NALF1: variants seen among roughly 807,000 people sequenced by gnomAD.
The protein encoded by NALF1 is NALCN channel auxiliary factor 1.
NALF1 carries 3 observed loss-of-function variants against 48.4 expected under a neutral mutation model. That is an observed-to-expected ratio of 0.06 (90% CI 0.03 to 0.16). The LOEUF (loss-of-function observed/expected upper bound fraction) is 0.16, where lower values mean the gene tolerates loss of function less well. Ranked by LOEUF, NALF1 falls within the 10% of genes least tolerant of loss-of-function variation. The probability of loss-of-function intolerance (pLI) is 1.00; values close to 1 mark genes in which losing one functional copy is unlikely to be tolerated. For missense variants in NALF1, 526 were observed against 571.5 expected (o/e 0.92, Z 0.81); for synonymous variants, 262 against 245.7 (o/e 1.07, Z -0.62).
chr13:107,317,746 C>A (rs947574242), intron 1 of NALF1, among the ~76,000 whole-genome samples: 1 of 151,754 alleles, frequency 6.6e-6, no homozygotes, highest in Non-Finnish European at 1.5e-5. Context: ...ATAATATCCA[C>A]ACCACAAAGA....
chr13:107,651,945 T>C (rs1257007452), intron 1 of NALF1, among the ~76,000 whole-genome samples: 2 of 152,200 alleles, frequency 1.3e-5, no homozygotes, highest in Non-Finnish European at 1.5e-5. Flanking sequence ...AATTTTAAAC[T>C]TGAAAGTTTT....
At chr13:107,718,619 A>G (rs1875892015) in intron 1 of NALF1, among the ~76,000 whole-genome samples, 1 of 152,188 alleles carries the variant, frequency 6.6e-6, no homozygotes. Flanking sequence ...AGTTGTGTGA[A>G]ACTGGTGAAT....
chr13:107,819,098 G>A (rs1171828256), intron 1 of NALF1, among the ~76,000 whole-genome samples: 2 of 152,114 alleles, frequency 1.3e-5, no homozygotes, highest in Non-Finnish European at 2.9e-5. Flanking sequence ...CTTTTGTAAT[G>A]TTGACCATGA....
chr13:107,447,975 G>A (rs924426967), intron 1 of NALF1, among the ~76,000 whole-genome samples: 1 of 152,150 alleles, frequency 6.6e-6, no homozygotes, highest in Non-Finnish European at 1.5e-5. Context: ...TCTTGGTTCT[G>A]GGGAACTGAT....
intron 1 of NALF1, among the ~76,000 whole-genome samples, chr13:107,386,014 C>T (rs1292477466): frequency 6.6e-6 from 1 of 152,032 alleles, no homozygotes; most frequent in Non-Finnish European, 1.5e-5. Flanking sequence ...GTGAGGATAC[C>T]TTAAGGTCTA....
intron 1 of NALF1, among the ~76,000 whole-genome samples, chr13:107,401,885 C>T (rs1346676825): frequency 3.9e-5 from 6 of 152,104 alleles, no homozygotes; most frequent in Non-Finnish European, 8.8e-5. Context: ...TAATTGTTTG[C>T]TAATTATTTA....
chr13:107,316,261 T>G (rs989631516), intron 1 of NALF1, among the ~76,000 whole-genome samples: 4 of 152,180 alleles, frequency 2.6e-5, no homozygotes, highest in Non-Finnish European at 4.4e-5. Context: ...TATTCCATGG[T>G]GTATATGTGC....
chr13:107,332,938 T>C (rs1389257594), intron 1 of NALF1, among the ~76,000 whole-genome samples: 1 of 152,108 alleles, frequency 6.6e-6, no homozygotes, highest in African/African-American at 2.4e-5. Flanking sequence ...CTCCACCCAA[T>C]GGGTGCAAGC....
chr13:107,607,140 T>A (rs2138429139), intron 1 of NALF1, among the ~76,000 whole-genome samples: 1 of 152,304 alleles, frequency 6.6e-6, no homozygotes, highest in East Asian at 1.9e-4. Context: ...TAGAAAATAC[T>A]ACAAGGGCCC....
chr13:107,350,931 GGT>G (rs1882861639), intron 1 of NALF1, among the ~76,000 whole-genome samples: 1 of 152,054 alleles, frequency 6.6e-6, no homozygotes, highest in African/African-American at 2.4e-5. Context: ...AGACCACTGG[GGT>G]ATGACAACTA....
At chr13:107,826,027 C>A (rs1879505948) in intron 1 of NALF1, among the ~76,000 whole-genome samples, 2 of 152,232 alleles carry the variant, frequency 1.3e-5, no homozygotes, top group Non-Finnish European at 2.9e-5. Flanking sequence ...GACCTGCCCA[C>A]CTCTGCCTCC....
chr13:107,401,626 G>A (rs1305716505), intron 1 of NALF1, among the ~76,000 whole-genome samples: 1 of 151,554 alleles, frequency 6.6e-6, no homozygotes, highest in Non-Finnish European at 1.5e-5. Flanking sequence ...AAACAATATT[G>A]TGCATTTCTA....
chr13:107,430,190 C>T (rs568460910), intron 1 of NALF1, among the ~76,000 whole-genome samples: 8 of 152,090 alleles, frequency 5.3e-5, no homozygotes, highest in Middle Eastern at 3.4e-3. Context: ...TCATAGCAAG[C>T]GGTTGGAATA....
At chr13:107,739,724 T>C (rs562583877) in intron 1 of NALF1, among the ~76,000 whole-genome samples, 1 of 152,204 alleles carries the variant, frequency 6.6e-6, no homozygotes, top group African/African-American at 2.4e-5. Context: ...CAGCAGCAGG[T>C]GAGCAGTGGG....
intron 1 of NALF1, among the ~76,000 whole-genome samples, chr13:107,346,308 G>A (rs1254196402): frequency 1.3e-5 from 2 of 152,060 alleles, no homozygotes; most frequent in African/African-American, 4.8e-5. Context: ...ACAGGATCTC[G>A]AAGAGATATG....
At chr13:107,405,433 T>G (rs1056469760) in intron 1 of NALF1, among the ~76,000 whole-genome samples, 3 of 152,072 alleles carry the variant, frequency 2.0e-5, no homozygotes, top group Non-Finnish European at 4.4e-5. Context: ...GTCTAGTGCC[T>G]TGAAGTGGCC....
At chr13:107,649,085 C>T (rs1341821236) in intron 1 of NALF1, among the ~76,000 whole-genome samples, 1 of 152,068 alleles carries the variant, frequency 6.6e-6, no homozygotes. Flanking sequence ...ATAAAAGTCC[C>T]TTATCAGACA....
At position 107,613,726 on chromosome 13, in the gene NALF1, G is replaced by A. The variant is rs562276027; in HGVS notation, c.915+251956C>T. Reference sequence around the variant, plus strand: ...GTTATTTCAGTTAACACAGCATAGCGCTTAGCACAAAGTAACTATTCAATA... The same window carrying A: ...GTTATTTCAGTTAACACAGCATAGCACTTAGCACAAAGTAACTATTCAATA... On this transcript the variant is annotated intron_variant, in intron 1 of 2. Coordinates refer to ENST00000375915, the MANE Select transcript of NALF1 (RefSeq NM_001080396.3). Among the ~76,000 whole-genome samples, 8 of 152,276 alleles carry A rather than the reference G, an allele frequency of 5.3e-5. No individual in the cohort carries two copies. The South Asian group carries it at 8.3e-4, about 16-fold the overall frequency.
intron 1 of NALF1, among the ~76,000 whole-genome samples, chr13:107,408,985 T>C (rs1883945704): frequency 6.6e-6 from 1 of 152,054 alleles, no homozygotes; most frequent in African/African-American, 2.4e-5. Flanking sequence ...AATAGCAAAA[T>C]AAATTTGAAC....
Sources: gnomAD v4.1 joint callset for allele counts (sites outside exome capture counted in the v4.1 genomes callset) on GRCh38, gnomAD v4.1.1 for gene constraint, MANE v1.5 for transcripts, NCBI Gene and HGNC (gene_info 2026-07-23, HGNC 2026-07-21) for gene names.